The following AHCY variants were observed in gnomAD, a reference collection of about 807,000 sequenced individuals.
AHCY encodes S-adenosyl-L-homocysteine hydrolase.
AHCY carries 24 observed loss-of-function variants against 45.4 expected under a neutral mutation model. The ratio of observed to expected loss-of-function variants is 0.53; its 90% CI spans 0.38 to 0.74. The LOEUF (loss-of-function observed/expected upper bound fraction) is 0.74. Among genes scored for constraint, AHCY ranks in the 30% least tolerant of loss-of-function variants. AHCY has a pLI of 0.00. For synonymous variants in AHCY, 245 were observed against 235.1 expected, an observed-to-expected ratio of 1.04 and a Z score of -0.39; for missense variants, 449 against 594.1, an observed-to-expected ratio of 0.76 and a Z score of 2.54.
chr20:34,284,591 C>G (rs1050207194), intron 9 of AHCY, among the ~76,000 whole-genome samples: 2 of 152,064 alleles, frequency 1.3e-5, no homozygotes, highest in Non-Finnish European at 2.9e-5. Flanking sequence ...GTGGCCGAGG[C>G]GGGTGGATCA....
rs1391510805 is a variant in AHCY, at chr20:34,295,579, A to G, written c.35T>C (p.Ile12Thr). ...SDKLPYKVADIGLAAWGRKAL... is the reference protein window; with the variant it reads ...SDKLPYKVADTGLAAWGRKAL... ...CTTGCGTCCCCAGGCAGCCAGGCCG[A>G]TGTCGGCTACGGGAGGAAACAGGTG... Residue 12 changes from isoleucine to threonine, a missense_variant, in exon 2 of 10, where the codon ATC becomes ACC. By Grantham distance (89) the Ile-to-Thr change is moderately conservative. Transcript: ENST00000217426. 1 of 1,614,036 alleles carries G rather than the reference A, an allele frequency of 6.2e-7. No homozygotes were observed. Among genetic ancestry groups the G allele is most frequent in the East Asian group, 2.2e-5 (1 of 44,880 alleles).
At chr20:34,263,816 A>G in the AHCY span, among the ~76,000 whole-genome samples, 3 of 151,796 alleles carry the variant, frequency 2.0e-5, no homozygotes, top group East Asian at 5.8e-4. Context: ...TTACAGGCAC[A>G]TGCCACCATG....
At chr20:34,298,503 C>T (rs1398574563) in intron 1 of AHCY, among the ~76,000 whole-genome samples, 1 of 150,832 alleles carries the variant, frequency 6.6e-6, no homozygotes, top group African/African-American at 2.4e-5. Context: ...GTGACGCCAG[C>T]GTCTGGGAAG....
chr20:34,232,583 A>G, the AHCY span, among the ~76,000 whole-genome samples: 1 of 152,220 alleles, frequency 6.6e-6, no homozygotes. Flanking sequence ...GAGGATCTGT[A>G]GGTCTTATTT....
chr20:34,258,465 T>C, the AHCY span, among the ~76,000 whole-genome samples: 18 of 150,508 alleles, frequency 1.2e-4, no homozygotes, highest in Non-Finnish European at 3.0e-5. Context: ...TCATTTGGGC[T>C]TTGATGACCA....
At chr20:34,293,192 G>A (rs1281559069) in intron 3 of AHCY, among the ~76,000 whole-genome samples, 1 of 152,108 alleles carries the variant, frequency 6.6e-6, no homozygotes, top group African/African-American at 2.4e-5. Context: ...CCAGAGAGGA[G>A]CTAAGACGCA....
At chr20:34,254,617 T>G in the AHCY span, among the ~76,000 whole-genome samples, 2 of 152,230 alleles carry the variant, frequency 1.3e-5, no homozygotes, top group Admixed American at 1.3e-4. Context: ...CTGCCTATTA[T>G]GAAGATCCAT....
chr20:34,301,710 T>C (rs2036778187), intron 1 of AHCY: 1 of 690,444 alleles, frequency 1.4e-6, no homozygotes, highest in Non-Finnish European at 1.8e-6. Flanking sequence ...CTCCACAGTA[T>C]GACAAGCCCC....
chr20:34,282,318 C>T (rs925422865), intron 9 of AHCY, among the ~76,000 whole-genome samples: 6 of 152,280 alleles, frequency 3.9e-5, no homozygotes, highest in South Asian at 4.1e-4. Context: ...CTGTCAACAG[C>T]GATGTGAAGA....
the AHCY span, chr20:34,268,987 G>A: frequency 9.4e-6 from 15 of 1,600,484 alleles, no homozygotes; most frequent in Admixed American, 1.7e-4. Context: ...CGTTTCCCAC[G>A]CAGAAGGAGG....
At chr20:34,292,233 C>T in intron 4 of AHCY, 125 bp downstream of exon 4, 1 of 1,302,188 alleles carries the variant, frequency 7.7e-7, no homozygotes, top group South Asian at 1.3e-5. Flanking sequence ...AGCCTGCCAT[C>T]CTCCCATCTT....
At chr20:34,304,721 G>A (rs900076626), upstream of AHCY, among the ~76,000 whole-genome samples, 4 of 149,792 alleles carry the variant, frequency 2.7e-5, no homozygotes, top group Admixed American at 2.0e-4. Flanking sequence ...AGAGTTTGGC[G>A]CTTGTTGCCC....
chr20:34,281,820 CA>C (rs1290994437), intron 9 of AHCY: 6 of 159,972 alleles, frequency 3.8e-5, no homozygotes, highest in Admixed American at 2.9e-4. Flanking sequence ...AGGCGTGCAC[CA>C]CCACGTCCAG....
the AHCY span, chr20:34,246,485 C>T: frequency 7.9e-6 from 11 of 1,387,616 alleles, no homozygotes; most frequent in African/African-American, 1.4e-5. Flanking sequence ...TAACTTGGCA[C>T]TGTTCCTTGG....
the AHCY span, among the ~76,000 whole-genome samples, chr20:34,247,300 C>CT: frequency 0.017 from 2,034 of 120,632 alleles, 71 homozygotes; most frequent in African/African-American, 0.047. Context: ...TTATATGATG[C>CT]TTTTTTTTTT....
At chr20:34,288,822 T>C (rs1193197417) in intron 8 of AHCY, among the ~76,000 whole-genome samples, 2 of 152,310 alleles carry the variant, frequency 1.3e-5, no homozygotes, top group East Asian at 3.9e-4. Context: ...ATACTACTTT[T>C]ATAATCAGAG....
At chr20:34,266,305 G>A in the AHCY span, among the ~76,000 whole-genome samples, 6 of 151,076 alleles carry the variant, frequency 4.0e-5, no homozygotes, top group Middle Eastern at 3.4e-3. Flanking sequence ...AGCCGAGACC[G>A]TGCCACTACA....
chr20:34,257,950 C>T, the AHCY span, among the ~76,000 whole-genome samples: 3 of 152,162 alleles, frequency 2.0e-5, no homozygotes, highest in African/African-American at 4.8e-5. Flanking sequence ...TTGAGATCAG[C>T]TTGGCCAACA....
chr20:34,259,905 G>A, the AHCY span, among the ~76,000 whole-genome samples: 87,872 of 151,762 alleles, frequency 0.58, 28,445 homozygotes, highest in African/African-American at 0.89. Context: ...TGTCTGAAGG[G>A]GCCACTTACC....
Sources: allele counts gnomAD v4.1 joint callset (sites outside exome capture counted in the v4.1 genomes callset), GRCh38; gene constraint gnomAD v4.1.1; transcripts MANE v1.5; gene names NCBI Gene and HGNC (gene_info 2026-07-23, HGNC 2026-07-21).